The following G3BP1 variants were observed in gnomAD, a reference collection of about 807,000 sequenced individuals.
G3BP1 encodes ras GTPase-activating protein-binding protein 1.
In G3BP1, 35 loss-of-function variants were observed where a neutral mutation model predicts 58.6. That is an observed-to-expected ratio of 0.60 (90% CI 0.46 to 0.79). G3BP1 has a LOEUF of 0.79. Ranked by LOEUF, G3BP1 falls within the 30% of genes least tolerant of loss-of-function variation. G3BP1 has a pLI of 0.00. For synonymous variants in G3BP1, 191 were observed against 195.4 expected (o/e 0.98, Z 0.19); for missense variants, 523 against 580.8 (o/e 0.90, Z 1.02).
chr5:151,807,636 T>C lies in G3BP1; in HGVS notation c.*3545T>C, dbSNP rs959213546. On this transcript the variant is annotated 3_prime_UTR_variant, in exon 12 of 12. Transcript: ENST00000356245. ...GATGTGAATAATAATATTTTTATTATAGTATAATCCAGGTGAGTTTATAGA... is the reference window on the plus strand; with the variant it reads ...GATGTGAATAATAATATTTTTATTACAGTATAATCCAGGTGAGTTTATAGA... The C allele has an allele frequency of 1.3e-5, 2 of 152,224 alleles. No individual in the cohort carries two copies. The highest frequency in any genetic ancestry group is 6.5e-5 in the Admixed American group (1 of 15,292). 9.4% of individuals were successfully genotyped at this position (152,224 alleles called of 1,614,324 possible).
At chr5:151,790,451 A>T in intron 3 of G3BP1, 47 bp downstream of exon 3, 1 of 1,023,736 alleles carries the variant, frequency 9.8e-7, no homozygotes. Flanking sequence ...GTAGAAAATA[A>T]CTCATAAAAT....
rs1324353637 is a variant in G3BP1, at chr5:151,812,704, T to C, written c.*8613T>C. On this transcript the variant is annotated 3_prime_UTR_variant, in exon 12 of 12. Transcript: ENST00000356245. ...AAAGGTTGCTAAATCTAAGATCGAG[T>C]GTATAAATAAAATAACCCCTTCCTC... 6.6e-6 allele frequency: 1 copy of C among 152,152 alleles called. No individual in the cohort carries two copies. The highest frequency in any genetic ancestry group is 1.5e-5 in the Non-Finnish European group (1 of 68,010). The allele number at this position is 152,152 out of a possible 1,614,324, so 9.4% of individuals were successfully genotyped here.
Position 151,804,338 on chromosome 5 carries a change from A to G in G3BP1, c.*247A>G, listed in dbSNP as rs890441065. The G allele has an allele frequency of 3.7e-6, 1 of 270,082 alleles. No homozygotes were observed. The highest frequency in any genetic ancestry group is 7.0e-5 in the Admixed American group (1 of 14,358). The allele number at this position is 270,082 out of a possible 1,614,324, so 16.7% of individuals were successfully genotyped here. A position where few individuals can be genotyped will look rare whatever the true frequency, so the allele number is the denominator to read the frequency against. On this transcript the variant is annotated 3_prime_UTR_variant, in exon 12 of 12. Transcript: ENST00000356245. ...AGGAATAACGGACTTTTAAAGAAGC[A>G]AAAAAAAAGACTGAATTTCCTTGCT...
chr5:151,789,596 G>A (rs1014413970), intron 2 of G3BP1, among the ~76,000 whole-genome samples: 2 of 152,224 alleles, frequency 1.3e-5, no homozygotes, highest in Non-Finnish European at 2.9e-5. Flanking sequence ...GCATGAACTA[G>A]GTGTTTAAGG....
chr5:151,776,533 G>C (rs960267522), intron 1 of G3BP1, among the ~76,000 whole-genome samples: 2 of 151,994 alleles, frequency 1.3e-5, no homozygotes, highest in East Asian at 3.8e-4. Context: ...AATGGATCTC[G>C]TCTGCAGCTA....
intron 1 of G3BP1, among the ~76,000 whole-genome samples, chr5:151,786,321 G>A (rs1275544712): frequency 6.6e-6 from 1 of 152,152 alleles, no homozygotes; most frequent in African/African-American, 2.4e-5. Context: ...TGGGAAGTAT[G>A]TTGGAAATAT....
chr5:151,792,055 C>T (rs762233943), intron 4 of G3BP1: 1 of 455,920 alleles, frequency 2.2e-6, no homozygotes, highest in African/African-American at 2.0e-5. Flanking sequence ...GTTCATCTTG[C>T]ACTGTTCCTG....
intron 1 of G3BP1, among the ~76,000 whole-genome samples, chr5:151,779,839 C>T (rs1409825455): frequency 6.6e-6 from 1 of 152,162 alleles, no homozygotes; most frequent in Non-Finnish European, 1.5e-5. Flanking sequence ...ACTTAATATC[C>T]ATTCCTTATT....
intron 1 of G3BP1, among the ~76,000 whole-genome samples, chr5:151,774,153 A>C (rs1454057383): frequency 6.6e-6 from 1 of 152,164 alleles, no homozygotes; most frequent in Non-Finnish European, 1.5e-5. Context: ...GTCATACGTC[A>C]GTTTTGTTGG....
chr5:151,794,013 A>G (rs1344489015), intron 4 of G3BP1, 146 bp from the exon 5 acceptor site: 1 of 583,056 alleles, frequency 1.7e-6, no homozygotes, highest in Non-Finnish European at 3.1e-6. Context: ...CCTGTCTCAG[A>G]ACCCCACAAC....
Position 151,804,431 on chromosome 5 carries a change from A to G in G3BP1, c.*340A>G, listed in dbSNP as rs1446724952. Reference sequence around the variant, plus strand: ...CCATTTCCCCAAAGGAATGTCTTGCATATTACTGACATTTGGTATGTTTCA... The same window carrying G: ...CCATTTCCCCAAAGGAATGTCTTGCGTATTACTGACATTTGGTATGTTTCA... On this transcript the variant is annotated 3_prime_UTR_variant, in exon 12 of 12. Transcript: ENST00000356245. 3 of 194,572 alleles carry G rather than the reference A, an allele frequency of 1.5e-5. No individual in the cohort carries two copies. Among genetic ancestry groups the G allele is most frequent in the Non-Finnish European group, 3.1e-5 (3 of 97,858 alleles). 12.1% of individuals were successfully genotyped at this position (194,572 alleles called of 1,614,324 possible). A position where few individuals can be genotyped will look rare whatever the true frequency, so the allele number is the denominator to read the frequency against.
intron 5 of G3BP1, among the ~76,000 whole-genome samples, chr5:151,795,232 C>T (rs566142118): frequency 1.2e-3 from 181 of 152,244 alleles, no homozygotes; most frequent in Middle Eastern, 0.01. Context: ...GCCGAGATCG[C>T]GCCACTGCAC....
intron 6 of G3BP1, among the ~76,000 whole-genome samples, chr5:151,796,996 C>G (rs74523498): frequency 6.7e-6 from 1 of 149,538 alleles, no homozygotes; most frequent in African/African-American, 2.5e-5. Context: ...TTTTGATGTC[C>G]TGATTCATTT....
chr5:151,801,276 T>G (rs372161949), intron 11 of G3BP1, among the ~76,000 whole-genome samples: 9 of 152,268 alleles, frequency 5.9e-5, no homozygotes, highest in African/African-American at 2.2e-4. Flanking sequence ...ATTAAGAGCT[T>G]CTTCTTTAAG....
intron 4 of G3BP1, among the ~76,000 whole-genome samples, chr5:151,792,756 A>G (rs1762681535): frequency 6.6e-6 from 1 of 152,102 alleles, no homozygotes; most frequent in African/African-American, 2.4e-5. Flanking sequence ...AGTGCAGGCC[A>G]CCATTCCTGG....
intron 5 of G3BP1, 52 bp from the exon 6 acceptor site, chr5:151,795,421 TAATGTA>T (rs1762733186): frequency 4.7e-6 from 4 of 846,750 alleles, no homozygotes; most frequent in Non-Finnish European, 7.8e-6. Context: ...TTGCGAAAGT[TAATGTA>T]TATGTGAATT....
Position 151,800,225 on chromosome 5 carries a change from G to T in G3BP1, c.963G>T (p.Glu321Asp). The change falls in exon 10 of 12, where the codon GAG becomes GAT. Residue 321 changes from glutamate to aspartate, a missense_variant. Around this residue, in one of 2 missense-constraint regions of G3BP1, gnomAD observed 398 missense variants for 399.1 expected, o/e 1.00. Transcript: ENST00000356245. Reference protein sequence around the residue: ...PPQRGPRPIREAGEQGDIEPR... With the variant: ...PPQRGPRPIRDAGEQGDIEPR... ...TTTTTGTCTCCTTTTAAGTCCGTGAGGCTGGTGAGCAAGGTGACATTGAAC... is the reference window on the plus strand; with the variant it reads ...TTTTTGTCTCCTTTTAAGTCCGTGATGCTGGTGAGCAAGGTGACATTGAAC... The T allele has an allele frequency of 6.2e-7, 1 of 1,612,472 alleles. No homozygotes were observed. The highest frequency in any genetic ancestry group is 8.5e-7 in the Non-Finnish European group (1 of 1,179,896).
chr5:151,790,430 C>T (rs1581577501), intron 3 of G3BP1, 26 bp downstream of exon 3: 1 of 1,315,330 alleles, frequency 7.6e-7, no homozygotes, highest in Non-Finnish European at 1.1e-6. Flanking sequence ...CTTATTTAGG[C>T]TGTTAAGCAG....
chr5:151,788,408 T>C (rs1279264154), intron 2 of G3BP1, among the ~76,000 whole-genome samples: 1 of 151,338 alleles, frequency 6.6e-6, no homozygotes, highest in African/African-American at 2.4e-5. Context: ...ACCCTTTCTT[T>C]CTTTTTTTTT....
Sources: gnomAD v4.1 joint callset for allele counts (sites outside exome capture counted in the v4.1 genomes callset) on GRCh38, gnomAD v4.1.1 for gene constraint, gnomAD v4.1.1 regional missense constraint, MANE v1.5 for transcripts, NCBI Gene and HGNC (gene_info 2026-07-23, HGNC 2026-07-21) for gene names.